SYNE2: variants seen among roughly 807,000 people sequenced by gnomAD.
The protein encoded by SYNE2 is nesprin-2.
Under a neutral mutation model 856.3 loss-of-function variants are expected in SYNE2, and 431 were observed. The observed-to-expected ratio is 0.50, with a 90% CI of 0.47 to 0.55. SYNE2 has a LOEUF of 0.55. SYNE2 is among the 20% of genes least tolerant of loss of function. The probability of loss-of-function intolerance (pLI) is 0.00; values close to 1 mark genes in which losing one functional copy is unlikely to be tolerated. For synonymous variants in SYNE2, 2,923 were observed against 2,872.3 expected (o/e 1.02, Z -0.56); for missense variants, 8,129 against 8,023.2 (o/e 1.01, Z -0.50).
At chr14:63,837,160 ATTT>A (rs1889885047) in intron 1 of SYNE2, among the ~76,000 whole-genome samples, 1 of 152,216 alleles carries the variant, frequency 6.6e-6, no homozygotes, top group Non-Finnish European at 1.5e-5. Flanking sequence ...TGGTCAATTG[ATTT>A]TTAACACGAG....
chr14:64,098,865 CT>C (rs2097698562), intron 63 of SYNE2, 44 bp downstream of exon 63: 1 of 1,574,052 alleles, frequency 6.4e-7, no homozygotes, highest in African/African-American at 1.3e-5. Context: ...AGAACCAGAT[CT>C]CTAAAAGAAG....
At chr14:64,182,265 T>C (rs973026449) in intron 96 of SYNE2, among the ~76,000 whole-genome samples, 4 of 152,228 alleles carry the variant, frequency 2.6e-5, no homozygotes, top group African/African-American at 9.7e-5. Context: ...AATTTTCAGG[T>C]ATTCTTGTGG....
At chr14:64,180,534 C>T (rs1419312848) in intron 96 of SYNE2, among the ~76,000 whole-genome samples, 4 of 146,122 alleles carry the variant, frequency 2.7e-5, no homozygotes, top group Non-Finnish European at 4.5e-5. Flanking sequence ...GATGGAGCTT[C>T]GTTCTTGTCA....
At position 64,080,481 on chromosome 14, in the gene SYNE2, G is replaced by A; in HGVS notation, c.11189G>A (p.Trp3730Ter). 2 of 1,614,116 alleles carry A rather than the reference G, an allele frequency of 1.2e-6. No individual in the cohort carries two copies. The highest frequency in any genetic ancestry group is 1.7e-6 in the Non-Finnish European group (2 of 1,180,004). Residue 3730 changes from tryptophan to a stop codon, truncating the protein, a stop_gained, in exon 56 of 116, where the codon TGG (tryptophan) becomes TAG (stop). Transcript: ENST00000555002. LOFTEE classifies it high-confidence loss of function. ...QKKMWDELDL[W>*]HSKLNELDSE... ...AAAATGTGGGACGAGTTAGATCTAT[G>A]GCATTCCAAACTAAATGAGCTGGAT...
rs1419909076 is a variant in SYNE2 at position 63,828,603 on chromosome 14, C to T, written c.-304-23898C>T. Among the ~76,000 whole-genome samples, 4 of 152,096 alleles carry T rather than the reference C, an allele frequency of 2.6e-5. No homozygotes were observed. The East Asian group carries it at 5.8e-4, about 22-fold the overall frequency. ...AGCCTGGGGAACAAAGTGAGACCCC[C>T]GTCTACCTCAAAAATCAAAACTGAG... On this transcript the variant is annotated intron_variant, in intron 1 of 23. Coordinates refer to the SYNE2 transcript ENST00000674003.
rs1012551130 is a variant in SYNE2, at chr14:64,053,735, G to T, written c.9744+78G>T. 8 of 1,452,116 alleles carry T rather than the reference G, an allele frequency of 5.5e-6. No individual in the cohort carries two copies. The African/African-American group carries it at 1.1e-4, about 21-fold the overall frequency. The allele number at this position is 1,452,116 out of a possible 1,614,324, so 90.0% of individuals were successfully genotyped here. ...TAATCCCAGCATTTTGGGAGGCCAAGGCTGGCGGATCACTTGAGGCCAAGT... is the reference window on the plus strand; with the variant it reads ...TAATCCCAGCATTTTGGGAGGCCAATGCTGGCGGATCACTTGAGGCCAAGT... On this transcript the variant is annotated intron_variant, in intron 48 of 115. Coordinates refer to ENST00000555002, the MANE Select transcript of SYNE2 (RefSeq NM_182914.3).
Position 63,967,804 on chromosome 14 carries a change from T to C in SYNE2, c.1086T>C (p.Asp362=). ...GGGATCTGGATGAGCTGGACAAGGA[T>C]CATTTACAGTTGAGAGAAGCCTGGG... The part of the protein sequence containing the change: ...IKRDLDELDK[D]HLQLREAWDG... Residue 362 remains aspartate, a synonymous_variant, in exon 11 of 116, where the codon GAT becomes GAC. Transcript: ENST00000555002. 3 of 1,614,080 alleles carry C rather than the reference T, an allele frequency of 1.9e-6. No homozygotes were observed. Among genetic ancestry groups the C allele is most frequent in the Non-Finnish European group, 2.5e-6 (3 of 1,179,936 alleles).
chr14:64,015,216 T>A (rs569534164), intron 32 of SYNE2, among the ~76,000 whole-genome samples: 22 of 151,612 alleles, frequency 1.5e-4, no homozygotes, highest in African/African-American at 4.8e-4. Context: ...ATAAAATTAA[T>A]TGGGAGTGTT....
chr14:63,869,332 A>G (rs1176828788), intron 1 of SYNE2, among the ~76,000 whole-genome samples: 3 of 152,162 alleles, frequency 2.0e-5, no homozygotes, highest in Non-Finnish European at 4.4e-5. Flanking sequence ...TCATCTTAAA[A>G]ATACTATTTC....
At chr14:64,195,967 C>T (rs1215545795) in intron 99 of SYNE2, among the ~76,000 whole-genome samples, 1 of 152,132 alleles carries the variant, frequency 6.6e-6, no homozygotes, top group South Asian at 2.1e-4. Context: ...CCAGACCCTG[C>T]AGAAATGCCT....
intron 52 of SYNE2, among the ~76,000 whole-genome samples, chr14:64,073,266 TC>T (rs1051850016): frequency 1.2e-4 from 18 of 152,214 alleles, no homozygotes; most frequent in Non-Finnish European, 2.2e-4. Context: ...CCAGCCCTCA[TC>T]CTGAGGCTAC....
At chr14:64,167,422 A>G in intron 91 of SYNE2, 35 bp downstream of exon 91, 1 of 1,614,238 alleles carries the variant, frequency 6.2e-7, no homozygotes, top group South Asian at 1.1e-5. Context: ...TGTTTCAATT[A>G]AGGTAAAATT....
At position 64,122,027 on chromosome 14, in the gene SYNE2, C is replaced by G; in HGVS notation, c.13174C>G (p.Pro4392Ala). ...FQQQQVLELKPMEQKDFIKFI... is the reference protein window; with the variant it reads ...FQQQQVLELKAMEQKDFIKFI... Reference sequence around the variant, plus strand: ...TCAATTACAGGTTCTGGAGTTAAAACCAATGGAACAGAAAGATTTCATCAA... The same window carrying G: ...TCAATTACAGGTTCTGGAGTTAAAAGCAATGGAACAGAAAGATTTCATCAA... The change falls in exon 69 of 116, where the codon CCA (proline) becomes GCA (alanine). Residue 4392 changes from proline (P) to alanine (A), a missense_variant. Around this residue, in one of 3 missense-constraint regions of SYNE2, gnomAD observed 5,410 missense variants for 5,284.8 expected, o/e 1.02. Coordinates refer to ENST00000555002, the MANE Select transcript of SYNE2 (RefSeq NM_182914.3). 1 of 1,613,586 alleles carries G rather than the reference C, an allele frequency of 6.2e-7. No individual in the cohort carries two copies. The highest frequency in any genetic ancestry group is 1.3e-5 in the African/African-American group (1 of 75,022).
Position 64,043,404 on chromosome 14 carries a change from G to A in SYNE2, c.7222-4596G>A, listed in dbSNP as rs181749702. 1.6e-4 allele frequency among the ~76,000 whole-genome samples: 25 copies of A among 152,242 alleles called. No individual in the cohort carries two copies. In the East Asian group the frequency reaches 2.5e-3, roughly 15 times the overall value. On this transcript the variant is annotated intron_variant, in intron 45 of 115. Transcript: ENST00000555002. ...AAGAAATGTGCACAAGTAACAAGCCGAATGTTAATCCCCAAGACAATGGGG... is the reference window on the plus strand; with the variant it reads ...AAGAAATGTGCACAAGTAACAAGCCAAATGTTAATCCCCAAGACAATGGGG...
chr14:63,804,643 G>A (rs1888289409), intron 1 of SYNE2, among the ~76,000 whole-genome samples: 1 of 152,056 alleles, frequency 6.6e-6, no homozygotes, highest in African/African-American at 2.4e-5. Flanking sequence ...ACAGGCATGT[G>A]CCACCATGCC....
chr14:63,944,852 A>ATTCT (rs2095999073), intron 6 of SYNE2, among the ~76,000 whole-genome samples: 1 of 40,178 alleles, frequency 2.5e-5, no homozygotes, highest in Non-Finnish European at 4.2e-5. Flanking sequence ...TTTTTTTTGA[A>ATTCT]ACTTCTGTAT....
intron 1 of SYNE2, among the ~76,000 whole-genome samples, chr14:63,881,480 C>A (rs936982011): frequency 9.2e-5 from 14 of 151,704 alleles, no homozygotes; most frequent in Admixed American, 2.0e-4. Flanking sequence ...GAGACCCTGT[C>A]TCTACAATAA....
At chr14:63,928,726 T>G (rs911295938) in intron 2 of SYNE2, among the ~76,000 whole-genome samples, 2 of 152,210 alleles carry the variant, frequency 1.3e-5, no homozygotes, top group Non-Finnish European at 1.5e-5. Flanking sequence ...TGGCTTTATA[T>G]TTTTAGTTCT....
chr14:64,220,366 A>T, intron 110 of SYNE2, 71 bp from the exon 111 acceptor site: 2 of 1,543,028 alleles, frequency 1.3e-6, no homozygotes, highest in Non-Finnish European at 1.8e-6. Context: ...TTTGTTCCCT[A>T]CTGAGGTTCA....
Sources: gnomAD v4.1 joint callset for allele counts (sites outside exome capture counted in the v4.1 genomes callset) on GRCh38, gnomAD v4.1.1 for gene constraint, gnomAD v4.1.1 regional missense constraint, MANE v1.5 for transcripts, NCBI Gene and HGNC (gene_info 2026-07-23, HGNC 2026-07-21) for gene names.